The following GALNT18 variants were observed in gnomAD, a reference collection of about 807,000 sequenced individuals.
The protein encoded by GALNT18 is GalNAc-transferase 18.
A neutral mutation model predicts 69.5 loss-of-function variants in GALNT18; 44 were observed. The observed-to-expected ratio is 0.63, with a 90% CI of 0.50 to 0.81. The LOEUF (loss-of-function observed/expected upper bound fraction) is 0.81. Ranked by LOEUF, GALNT18 falls within the 40% of genes least tolerant of loss-of-function variation. The pLI is 0.00. For missense variants in GALNT18, 715 were observed against 810.0 expected, an observed-to-expected ratio of 0.88 and a Z score of 1.42; for synonymous variants, 364 against 318.2, an observed-to-expected ratio of 1.14 and a Z score of -1.53.
chr11:11,574,791 G>A (rs143924251), intron 1 of GALNT18, among the ~76,000 whole-genome samples: 25 of 152,270 alleles, frequency 1.6e-4, no homozygotes, highest in East Asian at 3.9e-4. Context: ...CAAAGGAGTC[G>A]TATTAGGAAA....
intron 3 of GALNT18, among the ~76,000 whole-genome samples, chr11:11,398,277 C>G (rs2133731254): frequency 6.6e-6 from 1 of 152,290 alleles, no homozygotes; most frequent in African/African-American, 2.4e-5. Context: ...TAGGATAAAC[C>G]CATGCTCTGG....
In GALNT18 at chr11:11,353,107, C is replaced by A. The variant is rs558423099; in HGVS notation, c.1093-12103G>T. The stretch of plus-strand genomic sequence containing the variant: ...GTGTAAACTCTGGCCCTGCTTGGCA[C>A]GGGTCCCGACATGTCAGACAGGTTG... On this transcript the variant is annotated intron_variant, in intron 6 of 10. Transcript: ENST00000227756. The A allele has an allele frequency of 5.6e-6, 9 of 1,614,096 alleles. No homozygotes were observed. The Admixed American group carries it at 1.5e-4, about 27-fold the overall frequency.
intron 3 of GALNT18, among the ~76,000 whole-genome samples, chr11:11,400,889 C>T (rs1402395328): frequency 6.6e-6 from 1 of 152,162 alleles, no homozygotes; most frequent in Non-Finnish European, 1.5e-5. Flanking sequence ...CATGAGTATG[C>T]ACCACTGAGT....
Position 11,603,450 on chromosome 11 carries a change from T to C in GALNT18, c.235+17909A>G, listed in dbSNP as rs1195525701. 6.6e-6 allele frequency among the ~76,000 whole-genome samples: 1 copy of C among 152,146 alleles called. No individual in the cohort carries two copies. The highest frequency in any genetic ancestry group is 6.5e-5 in the Admixed American group (1 of 15,276). On this transcript the variant is annotated intron_variant, in intron 1 of 10. Transcript: ENST00000227756. This position sits in a 1 kb window ranked among gnomAD's most constrained non-coding sequence, Gnocchi z 4.5. ...TCTCTGAGACTTCATTCCCATATTT[T>C]CCTAAAATCAAACTTTGAAGTCTGC...
chr11:11,284,291 C>T (rs1329884276), intron 10 of GALNT18, among the ~76,000 whole-genome samples: 1 of 152,228 alleles, frequency 6.6e-6, no homozygotes, highest in African/African-American at 2.4e-5. Context: ...TACAGACTGA[C>T]TGGCCTGTTC....
At position 11,461,738 on chromosome 11, in the gene GALNT18, C is replaced by T. The variant is rs772393120; in HGVS notation, c.236-12802G>A. The stretch of plus-strand genomic sequence containing the variant: ...AAGAGGCATGCTTCCCTGACACAGA[C>T]ACACGGATGGGAACAGCTGGGCTAG... On this transcript the variant is annotated intron_variant, in intron 1 of 10. Coordinates refer to ENST00000227756, the MANE Select transcript of GALNT18 (RefSeq NM_198516.3). The surrounding 1 kb of genome is among the most constrained non-coding windows in gnomAD (Gnocchi z 4.1). Among the ~76,000 whole-genome samples the T allele has an allele frequency of 3.3e-5, 5 of 152,202 alleles. No homozygotes were observed. The highest frequency in any genetic ancestry group is 5.9e-5 in the Non-Finnish European group (4 of 68,050).
In GALNT18 at chr11:11,621,041, G is replaced by A. The variant is rs117849418; in HGVS notation, c.235+318C>T. 0.11 allele frequency among the ~76,000 whole-genome samples: 16,783 copies of A among 152,180 alleles called. 1,274 individuals carry two copies. Among genetic ancestry groups the A allele is most frequent in the Middle Eastern group, 0.16 (48 of 292 alleles). ...GAGCCGGACTTGTGTGCGATCCCGA[G>A]AGCCCGCGAGCAACCAGCCCAGAGT... On this transcript the variant is annotated intron_variant, in intron 1 of 10. Transcript: ENST00000227756. This position sits in a 1 kb window ranked among gnomAD's most constrained non-coding sequence, Gnocchi z 9.3.
intron 1 of GALNT18, among the ~76,000 whole-genome samples, chr11:11,581,103 C>T (rs549375069): frequency 2.6e-5 from 4 of 152,330 alleles, no homozygotes; most frequent in East Asian, 3.9e-4. Flanking sequence ...CGAGAGAAGC[C>T]GGCTTGCTGA....
At chr11:11,285,340 T>C (rs973725185) in intron 10 of GALNT18, among the ~76,000 whole-genome samples, 1 of 152,182 alleles carries the variant, frequency 6.6e-6, no homozygotes, top group African/African-American at 2.4e-5. Context: ...ATAATTATAG[T>C]AAGTACCTTA....
chr11:11,354,873 C>G (rs1850494554), intron 6 of GALNT18, among the ~76,000 whole-genome samples: 1 of 152,198 alleles, frequency 6.6e-6, no homozygotes, highest in African/African-American at 2.4e-5. Context: ...CCTCATCCAT[C>G]TAATAGCCGA....
chr11:11,365,661 T>C (rs1392462134), intron 6 of GALNT18, among the ~76,000 whole-genome samples: 3 of 152,222 alleles, frequency 2.0e-5, no homozygotes, highest in Non-Finnish European at 4.4e-5. Flanking sequence ...TATTGTTTCC[T>C]GACTTTTTAA....
intron 3 of GALNT18, among the ~76,000 whole-genome samples, chr11:11,381,862 A>AATGG (rs1229615814): frequency 6.6e-6 from 1 of 152,194 alleles, no homozygotes; most frequent in African/African-American, 2.4e-5. Flanking sequence ...ATTCTGGGCC[A>AATGG]ATGGATGGTT....
rs1039061295 is a variant in GALNT18 at position 11,382,753 on chromosome 11, C to T, written c.596-3489G>A. Among the ~76,000 whole-genome samples, 1 of 151,826 alleles carries T rather than the reference C, an allele frequency of 6.6e-6. No homozygotes were observed. Among genetic ancestry groups the T allele is most frequent in the African/African-American group, 2.4e-5 (1 of 41,318 alleles). Reference sequence around the variant, plus strand: ...TTTTACCTTTTATTCCCTATGCAAGCTATCTTTAATTAATTTTTTGAAATT... The same window carrying T: ...TTTTACCTTTTATTCCCTATGCAAGTTATCTTTAATTAATTTTTTGAAATT... On this transcript the variant is annotated intron_variant, in intron 3 of 10. Coordinates refer to ENST00000227756, the MANE Select transcript of GALNT18 (RefSeq NM_198516.3). This position sits in a 1 kb window ranked among gnomAD's most constrained non-coding sequence, Gnocchi z 4.3.
Position 11,500,212 on chromosome 11 carries a change from G to C in GALNT18, c.236-51276C>G, listed in dbSNP as rs1564980579. 6.6e-6 allele frequency among the ~76,000 whole-genome samples: 1 copy of C among 152,238 alleles called. No homozygotes were observed. The highest frequency in any genetic ancestry group is 2.1e-4 in the South Asian group (1 of 4,828). Reference sequence around the variant, plus strand: ...CCTATAGGGAGAAAGTCACAGCACAGGGTTCTAGAAAAGTATAGATCCAGA... The same window carrying C: ...CCTATAGGGAGAAAGTCACAGCACACGGTTCTAGAAAAGTATAGATCCAGA... On this transcript the variant is annotated intron_variant, in intron 1 of 10. Transcript: ENST00000227756. This position sits in a 1 kb window ranked among gnomAD's most constrained non-coding sequence, Gnocchi z 5.0.
chr11:11,271,800 G>A (rs900647658), intron 10 of GALNT18, among the ~76,000 whole-genome samples: 5 of 152,178 alleles, frequency 3.3e-5, no homozygotes, highest in South Asian at 4.1e-4. Flanking sequence ...GGCCCCCTAA[G>A]TCCTGACATG....
chr11:11,414,204 C>T (rs1398480748), intron 3 of GALNT18, among the ~76,000 whole-genome samples: 1 of 152,232 alleles, frequency 6.6e-6, no homozygotes, highest in Non-Finnish European at 1.5e-5. Context: ...CCTGTGGCTA[C>T]TCTTACCCAT....
At chr11:11,518,920 G>C (rs1463654049) in intron 1 of GALNT18, among the ~76,000 whole-genome samples, 2 of 152,188 alleles carry the variant, frequency 1.3e-5, no homozygotes, top group Non-Finnish European at 2.9e-5. Context: ...GCACTGCCAG[G>C]CTTCTTCTGT....
At chr11:11,520,549 G>A (rs900121332) in intron 1 of GALNT18, among the ~76,000 whole-genome samples, 4 of 152,194 alleles carry the variant, frequency 2.6e-5, no homozygotes, top group East Asian at 1.9e-4. Context: ...CCTGTGTGGC[G>A]TGCAAGGGGA....
intron 1 of GALNT18, among the ~76,000 whole-genome samples, chr11:11,572,362 T>C: frequency 6.6e-6 from 1 of 152,234 alleles, no homozygotes; most frequent in East Asian, 1.9e-4. Context: ...ATTTATCAAC[T>C]GTCAGCACCA....
Sources: allele counts gnomAD v4.1 joint callset (sites outside exome capture counted in the v4.1 genomes callset), GRCh38; gene constraint gnomAD v4.1.1; non-coding constraint Gnocchi (gnomAD v3.1); transcripts MANE v1.5; gene names NCBI Gene and HGNC (gene_info 2026-07-23, HGNC 2026-07-21).